Variants in TMEM232 observed in about 807,000 individuals in gnomAD.
The protein encoded by TMEM232 is transmembrane protein 232.
Under a neutral mutation model 78.8 loss-of-function variants are expected in TMEM232, and 80 were observed. That is an observed-to-expected ratio of 1.01 (90% CI 0.85 to 1.22). TMEM232 has a LOEUF of 1.22. TMEM232 is among the 50% of genes most tolerant of loss of function. The probability of loss-of-function intolerance (pLI) is 0.00; values close to 1 mark genes in which losing one functional copy is unlikely to be tolerated. For missense variants in TMEM232, 881 were observed against 742.2 expected (o/e 1.19, Z -2.17); for synonymous variants, 297 against 254.3 (o/e 1.17, Z -1.60).
intron 8 of TMEM232, among the ~76,000 whole-genome samples, chr5:110,615,441 T>C (rs1782804200): frequency 6.6e-6 from 1 of 151,964 alleles, no homozygotes; most frequent in African/African-American, 2.4e-5. Flanking sequence ...CTTTAAATAT[T>C]GGAAAAGAGT....
intron 2 of TMEM232, among the ~76,000 whole-genome samples, chr5:110,410,234 G>C (rs1299396682): frequency 6.6e-6 from 1 of 152,156 alleles, no homozygotes; most frequent in Non-Finnish European, 1.5e-5. Flanking sequence ...TGAAGGTATA[G>C]TTTTCAAAGT....
chr5:110,488,348 C>T (rs1187761686), intron 12 of TMEM232, among the ~76,000 whole-genome samples: 1 of 151,774 alleles, frequency 6.6e-6, no homozygotes, highest in African/African-American at 2.4e-5. Context: ...AAACAGGCTA[C>T]AATACATTTA....
chr5:110,603,805 G>T (rs1268295553), intron 10 of TMEM232, among the ~76,000 whole-genome samples: 2 of 152,078 alleles, frequency 1.3e-5, no homozygotes, highest in Non-Finnish European at 2.9e-5. Flanking sequence ...TCAGAAGCTG[G>T]GTTTCAATCT....
intron 7 of TMEM232, among the ~76,000 whole-genome samples, chr5:110,620,095 C>T (rs981248835): frequency 2.0e-5 from 3 of 152,062 alleles, no homozygotes; most frequent in African/African-American, 7.2e-5. Flanking sequence ...ATTCAGAAAG[C>T]ATTTGGTAAA....
chr5:110,668,829 C>G (rs1022838148), intron 1 of TMEM232, among the ~76,000 whole-genome samples: 24 of 152,178 alleles, frequency 1.6e-4, no homozygotes, highest in Admixed American at 1.4e-3. Flanking sequence ...GAAACTCACT[C>G]AGAACCGCTC....
intron 12 of TMEM232, among the ~76,000 whole-genome samples, chr5:110,447,840 A>C (rs1182695107): frequency 6.6e-6 from 1 of 152,122 alleles, no homozygotes; most frequent in East Asian, 1.9e-4. Flanking sequence ...TGCCAATTCA[A>C]GATAATCTCC....
At chr5:110,653,109 T>C (rs1242159457) in intron 2 of TMEM232, among the ~76,000 whole-genome samples, 1 of 152,152 alleles carries the variant, frequency 6.6e-6, no homozygotes, top group Admixed American at 6.6e-5. Context: ...CCATGAGCGC[T>C]AGAAGATAAA....
At chr5:110,512,748 C>A (rs1267943665) in intron 12 of TMEM232, among the ~76,000 whole-genome samples, 1 of 152,064 alleles carries the variant, frequency 6.6e-6, no homozygotes, top group Non-Finnish European at 1.5e-5. Flanking sequence ...GCAAAGAGCA[C>A]ACAAAAAACA....
chr5:110,698,904 C>A (rs1211313232), intron 1 of TMEM232, among the ~76,000 whole-genome samples: 3 of 151,988 alleles, frequency 2.0e-5, no homozygotes, highest in Admixed American at 1.3e-4. Context: ...AGAGCAATTG[C>A]GATAAAATTG....
chr5:110,737,480 G>A (rs1799303701), intron 1 of TMEM232, among the ~76,000 whole-genome samples: 1 of 152,116 alleles, frequency 6.6e-6, no homozygotes, highest in Non-Finnish European at 1.5e-5. Flanking sequence ...CCATCAGAAA[G>A]TTATGTTTTA....
At chr5:110,540,519 C>A (rs1033773894) in intron 11 of TMEM232, among the ~76,000 whole-genome samples, 12 of 152,220 alleles carry the variant, frequency 7.9e-5, no homozygotes, top group African/African-American at 2.9e-4. Context: ...ACTGATCATT[C>A]CTGCGAGCAG....
At chr5:110,394,359 A>C (rs1447029510) in intron 3 of TMEM232, among the ~76,000 whole-genome samples, 1 of 152,148 alleles carries the variant, frequency 6.6e-6, no homozygotes, top group Non-Finnish European at 1.5e-5. Flanking sequence ...TCTGTTGTTG[A>C]CCACTTAGGT....
intron 10 of TMEM232, among the ~76,000 whole-genome samples, chr5:110,583,068 T>C (rs1467422365): frequency 1.3e-5 from 2 of 151,954 alleles, no homozygotes; most frequent in African/African-American, 4.8e-5. Context: ...TTTAAAAATG[T>C]TTACACTACC....
chr5:110,695,985 G>T (rs2150247376), intron 1 of TMEM232, among the ~76,000 whole-genome samples: 1 of 152,286 alleles, frequency 6.6e-6, no homozygotes. Flanking sequence ...CCAAAGCCTA[G>T]CAGAGACAAA....
At chr5:110,676,934 A>AT (rs1186565611) in intron 1 of TMEM232, among the ~76,000 whole-genome samples, 1 of 151,330 alleles carries the variant, frequency 6.6e-6, no homozygotes, top group Non-Finnish European at 1.5e-5. Context: ...AATATTTTGT[A>AT]TTTTTTAGTA....
In TMEM232 at chr5:110,512,141, G is replaced by A. The variant is rs531222793; in HGVS notation, c.1703+16447C>T. Among the ~76,000 whole-genome samples, 62 of 152,258 alleles carry A rather than the reference G, an allele frequency of 4.1e-4. 1 individual carries two copies. The highest frequency in any genetic ancestry group is 3.4e-3 in the Middle Eastern group (1 of 294). On this transcript the variant is annotated intron_variant, in intron 12 of 13. Transcript: ENST00000455884. ...TTTTTGTGTAATTTTACATGAATAT[G>A]TGTGGTTTTAATTAACATCTATCTC...
chr5:110,428,640 CCTGT>C (rs1757502149), intron 12 of TMEM232, among the ~76,000 whole-genome samples: 1 of 151,322 alleles, frequency 6.6e-6, no homozygotes, highest in African/African-American at 2.4e-5. Flanking sequence ...TACATATCCT[CCTGT>C]CTTTTTTTTT....
intron 10 of TMEM232, among the ~76,000 whole-genome samples, chr5:110,590,410 C>T (rs1779356473): frequency 1.3e-5 from 2 of 152,126 alleles, no homozygotes; most frequent in African/African-American, 2.4e-5. Context: ...AACTCCACCT[C>T]CTGTCAGATC....
intron 11 of TMEM232, among the ~76,000 whole-genome samples, chr5:110,534,235 T>C (rs1442656508): frequency 1.3e-5 from 2 of 152,248 alleles, no homozygotes; most frequent in South Asian, 4.1e-4. Flanking sequence ...TACAGTCTGA[T>C]AGCAGACCAG....
Sources: allele counts gnomAD v4.1 joint callset (sites outside exome capture counted in the v4.1 genomes callset), GRCh38; gene constraint gnomAD v4.1.1; transcripts MANE v1.5; gene names NCBI Gene and HGNC (gene_info 2026-07-23, HGNC 2026-07-21).